ABCB10: variants seen among roughly 807,000 people sequenced by gnomAD.
ABCB10 encodes the protein ATP-binding cassette sub-family B member 10, mitochondrial.
ABCB10 carries 54 observed loss-of-function variants against 65.4 expected under a neutral mutation model. That is an observed-to-expected ratio of 0.83 (90% CI 0.66 to 1.04). The LOEUF (loss-of-function observed/expected upper bound fraction) is 1.04. Ranked by LOEUF, ABCB10 falls within the 50% of genes least tolerant of loss-of-function variation. ABCB10 has a pLI of 0.00. For synonymous variants in ABCB10, 418 were observed against 406.5 expected, an observed-to-expected ratio of 1.03 and a Z score of -0.34; for missense variants, 846 against 976.6, an observed-to-expected ratio of 0.87 and a Z score of 1.78.
At position 229,539,413 on chromosome 1, in the gene ABCB10, G is replaced by C. The variant is rs1263929613; in HGVS notation, c.1339+43C>G. On this transcript the variant is annotated intron_variant, in intron 6 of 12. Coordinates refer to ENST00000344517, the MANE Select transcript of ABCB10 (RefSeq NM_012089.3). Reference sequence around the variant, plus strand: ...GTTTCTCTTTCAGAAATGATGCTCTGATTTTTAATTTGTAACACCCCAAGC... The same window carrying C: ...GTTTCTCTTTCAGAAATGATGCTCTCATTTTTAATTTGTAACACCCCAAGC... The C allele has an allele frequency of 3.7e-6, 6 of 1,601,576 alleles. No individual in the cohort carries two copies. The East Asian group carries it at 1.1e-4, about 30-fold the overall frequency.
At chr1:229,534,309 A>C (rs1162658879) in intron 6 of ABCB10, among the ~76,000 whole-genome samples, 1 of 152,228 alleles carries the variant, frequency 6.6e-6, no homozygotes, top group Admixed American at 6.5e-5. Flanking sequence ...AAGAACTCTC[A>C]TTCCTTGCTA....
In ABCB10 at chr1:229,535,394, T is replaced by C. The variant is rs558263657; in HGVS notation, c.1340-3663A>G. Among the ~76,000 whole-genome samples the C allele has an allele frequency of 2.0e-5, 3 of 152,284 alleles. No homozygotes were observed. In the East Asian group the frequency reaches 5.8e-4, roughly 29 times the overall value. On this transcript the variant is annotated intron_variant, in intron 6 of 12. Coordinates refer to ENST00000344517, the MANE Select transcript of ABCB10 (RefSeq NM_012089.3). Reference sequence around the variant, plus strand: ...ATCCACACAATGGAATATTATTCAGTGCTAAAAATAAATGAGCTATCAAGC... The same window carrying C: ...ATCCACACAATGGAATATTATTCAGCGCTAAAAATAAATGAGCTATCAAGC...
chr1:229,521,333 G>A (rs867847624), intron 11 of ABCB10, among the ~76,000 whole-genome samples: 1 of 151,972 alleles, frequency 6.6e-6, no homozygotes, highest in Non-Finnish European at 1.5e-5. Context: ...TCTTGATGGA[G>A]GGTCCATGTG....
rs1663328493 is a variant in ABCB10, at chr1:229,558,638, A to G, written c.15T>C (p.Pro5=). Residue 5 remains proline, a synonymous_variant, in exon 1 of 13, where the codon CCT becomes CCC. Transcript: ENST00000344517. MRGP[P]AWPLRLLEPP... is the part of the protein sequence containing the mutation. The stretch of plus-strand genomic sequence containing the variant: ...GCTCGAGCAGCCGCAGCGGCCAGGC[A>G]GGGGGGCCTCGCATGGCGCTGCGTG... The G allele has an allele frequency of 1.5e-6, 2 of 1,374,774 alleles. No homozygotes were observed. The highest frequency in any genetic ancestry group is 6.5e-5 in the East Asian group (2 of 30,660). 85.2% of individuals were successfully genotyped at this position (1,374,774 alleles called of 1,614,324 possible).
intron 1 of ABCB10, among the ~76,000 whole-genome samples, chr1:229,556,318 G>C (rs1387955548): frequency 1.3e-5 from 2 of 151,766 alleles, no homozygotes; most frequent in Admixed American, 1.3e-4. Context: ...GTTGCGGTGA[G>C]GTGAGATCAC....
chr1:229,538,010 C>T (rs1462183909), intron 6 of ABCB10, among the ~76,000 whole-genome samples: 1 of 152,188 alleles, frequency 6.6e-6, no homozygotes, highest in African/African-American at 2.4e-5. Flanking sequence ...CCTCCTCGCA[C>T]CAGATGGCAG....
chr1:229,547,643 C>T lies in ABCB10; in HGVS notation c.777G>A (p.Glu259=), dbSNP rs746542666. 6.2e-7 allele frequency: 1 copy of T among 1,614,230 alleles called. No homozygotes were observed. The highest frequency in any genetic ancestry group is 2.2e-5 in the East Asian group (1 of 44,880). The part of the protein sequence containing the change: ...TSLFSSILRQ[E]VAFFDKTRTG... Reference sequence around the variant, plus strand: ...TGCGAGTCTTGTCAAAGAAAGCAACCTCCTGCCTCAGAATGGAGGAGAATA... The same window carrying T: ...TGCGAGTCTTGTCAAAGAAAGCAACTTCCTGCCTCAGAATGGAGGAGAATA... The change falls in exon 3 of 13, where the codon GAG becomes GAA. Residue 259 remains glutamate (E), a synonymous_variant. Coordinates refer to ENST00000344517, the MANE Select transcript of ABCB10 (RefSeq NM_012089.3).
chr1:229,529,209 C>T (rs539715168), intron 8 of ABCB10, among the ~76,000 whole-genome samples: 4 of 129,682 alleles, frequency 3.1e-5, no homozygotes, highest in Admixed American at 9.4e-5. Flanking sequence ...AGGAGAATGG[C>T]GTGAACCCGG....
At chr1:229,519,732 T>C (rs1662257709) in intron 11 of ABCB10, among the ~76,000 whole-genome samples, 1 of 152,204 alleles carries the variant, frequency 6.6e-6, no homozygotes, top group Admixed American at 6.5e-5. Context: ...GAGGCTGCAG[T>C]GAGCCAAGCT....
At chr1:229,540,787 G>T in intron 4 of ABCB10, 35 bp from the exon 5 acceptor site, 1 of 1,591,430 alleles carries the variant, frequency 6.3e-7, no homozygotes, top group Non-Finnish European at 8.5e-7. Flanking sequence ...AGGAGGAGAA[G>T]GGTCATATTT....
chr1:229,518,907 T>C (rs757610524), intron 11 of ABCB10, 32 bp from the exon 12 acceptor site: 1 of 1,525,164 alleles, frequency 6.6e-7, no homozygotes, highest in Admixed American at 1.8e-5. Flanking sequence ...AAAGATAAAA[T>C]AATTTTATTG....
chr1:229,532,999 G>T (rs1296336677), intron 6 of ABCB10, among the ~76,000 whole-genome samples: 1 of 152,024 alleles, frequency 6.6e-6, no homozygotes, highest in Non-Finnish European at 1.5e-5. Context: ...TGGAGACAGG[G>T]TCTCACTATG....
Position 229,558,311 on chromosome 1 carries a change from C to A in ABCB10, c.342G>T (p.Pro114=). 8.1e-7 allele frequency: 1 copy of A among 1,238,276 alleles called. No homozygotes were observed. Among genetic ancestry groups the A allele is most frequent in the South Asian group, 2.6e-5 (1 of 39,028 alleles). 76.7% of individuals were successfully genotyped at this position (1,238,276 alleles called of 1,614,324 possible). A position where few individuals can be genotyped will look rare whatever the true frequency, so the allele number is the denominator to read the frequency against. ...AFAGPGAPRL[P]RARFPGGPAA... ...CGGGACCGCCCGGGAACCGGGCGCG[C>A]GGGAGCCGAGGAGCGCCTGGCCCGG... is the stretch of plus-strand genomic sequence containing the variant. The change falls in exon 1 of 13, where the codon CCG becomes CCT. Residue 114 remains proline, a synonymous_variant. Coordinates refer to ENST00000344517, the MANE Select transcript of ABCB10 (RefSeq NM_012089.3).
intron 2 of ABCB10, 148 bp downstream of exon 2, chr1:229,549,086 T>A: frequency 1.3e-6 from 1 of 751,744 alleles, no homozygotes; most frequent in Non-Finnish European, 2.2e-6. Context: ...ATCTGGGCAG[T>A]CATTGGACTC....
intron 11 of ABCB10, among the ~76,000 whole-genome samples, chr1:229,520,396 G>C (rs1443628435): frequency 6.6e-6 from 1 of 151,322 alleles, no homozygotes; most frequent in Non-Finnish European, 1.5e-5. Context: ...CTTGCAACCT[G>C]GGAGGCAGAG....
intron 3 of ABCB10, among the ~76,000 whole-genome samples, chr1:229,546,096 C>T (rs1487675795): frequency 4.0e-5 from 6 of 148,932 alleles, no homozygotes; most frequent in East Asian, 2.0e-4. Context: ...CACTTGAACC[C>T]GGGAGGAGGA....
intron 8 of ABCB10, among the ~76,000 whole-genome samples, chr1:229,527,970 G>T (rs993033648): frequency 6.6e-6 from 1 of 152,146 alleles, no homozygotes; most frequent in Admixed American, 6.6e-5. Flanking sequence ...GAATCTGGTC[G>T]ATACCATGGC....
intron 8 of ABCB10, among the ~76,000 whole-genome samples, chr1:229,528,551 C>T (rs1276302424): frequency 6.6e-6 from 1 of 152,028 alleles, no homozygotes; most frequent in Non-Finnish European, 1.5e-5. Context: ...TGTAGTAAGC[C>T]CCATTTTAAC....
chr1:229,526,092 T>C lies in ABCB10; in HGVS notation c.1750A>G (p.Ile584Val), dbSNP rs754809765. ...SQEPILFSCS[I>V]AENIAYGADD... ...GCACCATAAGCAATGTTCTCAGCAA[T>C]AGAGCAAGAAAACAAAATGGGTTCC... Residue 584 changes from isoleucine (I) to valine (V), a missense_variant, in exon 10 of 13, where the codon ATT (isoleucine) becomes GTT (valine). By Grantham distance (29) the Ile-to-Val change is conservative. Coordinates refer to ENST00000344517, the MANE Select transcript of ABCB10 (RefSeq NM_012089.3). 1.9e-5 allele frequency: 30 copies of C among 1,610,894 alleles called. 1 individual carries two copies. Among genetic ancestry groups the C allele is most frequent in the Non-Finnish European group, 2.4e-5 (28 of 1,179,176 alleles).
Sources: gnomAD v4.1 joint callset for allele counts (sites outside exome capture counted in the v4.1 genomes callset) on GRCh38, gnomAD v4.1.1 for gene constraint, MANE v1.5 for transcripts, NCBI Gene and HGNC (gene_info 2026-07-23, HGNC 2026-07-21) for gene names.